Variants in SP140 observed in about 807,000 individuals in gnomAD.
The protein encoded by SP140 is SP140 nuclear body protein, also known as nuclear body protein SP140.
A neutral mutation model predicts 125.0 loss-of-function variants in SP140; 81 were observed. The observed-to-expected ratio is 0.65, with a 90% CI of 0.54 to 0.78. The LOEUF (loss-of-function observed/expected upper bound fraction) is 0.78, where lower values mean the gene tolerates loss of function less well. SP140 is among the 30% of genes least tolerant of loss of function. The pLI, the probability that SP140 is intolerant of heterozygous loss-of-function variation, is 0.00. For missense variants in SP140, 858 were observed against 1,037.0 expected (o/e 0.83, Z 2.37); for synonymous variants, 312 against 354.0 (o/e 0.88, Z 1.33).
intron 15 of SP140, among the ~76,000 whole-genome samples, chr2:230,279,629 C>T (rs2055230046): frequency 6.6e-6 from 1 of 152,154 alleles, no homozygotes; most frequent in South Asian, 2.1e-4. Context: ...TTGCATAAAA[C>T]AAATTCATCA....
chr2:230,228,328 T>C (rs1208535703), intron 1 of SP140, among the ~76,000 whole-genome samples: 1 of 152,238 alleles, frequency 6.6e-6, no homozygotes, highest in African/African-American at 2.4e-5. Flanking sequence ...TTGGCAAATA[T>C]TCTATGTGAG....
chr2:230,201,031 A>T, upstream of SP140: 1 of 1,269,264 alleles, frequency 7.9e-7, no homozygotes. Context: ...CCAGAGACCC[A>T]GGAAGGCCCT....
Position 230,312,622 on chromosome 2 carries a change from G to T in SP140, c.2542G>T (p.Ala848Ser), listed in dbSNP as rs779777294. ...TGGCCAAATGGGATTTAGACTGGAG[G>T]CTGAGTTTGAGAAGAATTTCAAGGA... ...DFGQMGFRLEAEFEKNFKEVF... is the reference protein window; with the variant it reads ...DFGQMGFRLESEFEKNFKEVF... Residue 848 changes from alanine (A) to serine (S), a missense_variant, in exon 27 of 27, where the codon GCT becomes TCT. Physicochemically the swap from Ala to Ser is moderately conservative, Grantham distance 99. Transcript: ENST00000392045. 1.3e-5 allele frequency: 21 copies of T among 1,612,886 alleles called. No individual in the cohort carries two copies. The highest frequency in any genetic ancestry group is 1.6e-5 in the Non-Finnish European group (19 of 1,179,274).
intron 1 of SP140, among the ~76,000 whole-genome samples, chr2:230,210,474 T>C (rs2044347580): frequency 6.6e-6 from 1 of 152,204 alleles, no homozygotes; most frequent in South Asian, 2.1e-4. Context: ...TACATCTTAT[T>C]GCTTTGACGT....
intron 1 of SP140, chr2:230,209,855 C>G (rs1289173387): frequency 5.7e-6 from 5 of 875,680 alleles, no homozygotes; most frequent in Admixed American, 1.7e-5. Flanking sequence ...GTGCTCTTGA[C>G]AAGATACAGT....
chr2:230,290,326 AG>A (rs1273139647), intron 18 of SP140, 133 bp from the exon 19 acceptor site: 1 of 772,806 alleles, frequency 1.3e-6, no homozygotes, highest in Non-Finnish European at 2.1e-6. Context: ...CTTGGAAGAA[AG>A]ACTTTGAAAC....
intron 3 of SP140, among the ~76,000 whole-genome samples, chr2:230,218,895 T>C (rs1421103275): frequency 4.6e-4 from 1 of 2,164 alleles, no homozygotes; most frequent in Non-Finnish European, 6.7e-4. Flanking sequence ...AAATGTGCAA[T>C]GAATAATACG....
At chr2:230,267,658 G>A (rs1421759079) in intron 12 of SP140, among the ~76,000 whole-genome samples, 1 of 152,144 alleles carries the variant, frequency 6.6e-6, no homozygotes, top group Non-Finnish European at 1.5e-5. Context: ...CAGAGGAAGT[G>A]AACATTTTGT....
chr2:230,202,440 CTT>C, upstream of SP140: 1 of 766,470 alleles, frequency 1.3e-6, no homozygotes. Flanking sequence ...CTTTGTTCCT[CTT>C]GTTATACCCC....
chr2:230,279,336 A>G (rs1245517527), intron 15 of SP140, among the ~76,000 whole-genome samples: 3 of 152,128 alleles, frequency 2.0e-5, no homozygotes, highest in African/African-American at 7.2e-5. Flanking sequence ...GTATTGAATC[A>G]TAAAAGACTC....
upstream of SP140, chr2:230,221,686 AATGTCAC>A: frequency 6.5e-7 from 1 of 1,535,610 alleles, no homozygotes; most frequent in Non-Finnish European, 8.7e-7. Flanking sequence ...ATTTTATGCA[AATGTCAC>A]ATGTCACTTA....
chr2:230,228,420 A>G (rs1290417773), intron 1 of SP140, among the ~76,000 whole-genome samples: 1 of 152,246 alleles, frequency 6.6e-6, no homozygotes, highest in Non-Finnish European at 1.5e-5. Context: ...GCTATTGCTC[A>G]TCAGGTCAAC....
chr2:230,199,434 C>G (rs2043033721), upstream of SP140, among the ~76,000 whole-genome samples: 1 of 151,762 alleles, frequency 6.6e-6, no homozygotes, highest in Non-Finnish European at 1.5e-5. Flanking sequence ...GTCTCGAACT[C>G]CTGGCCTCAA....
Position 230,269,921 on chromosome 2 carries a change from G to A in SP140, c.1412G>A (p.Arg471Lys). The A allele has an allele frequency of 6.2e-7, 1 of 1,613,996 alleles. No homozygotes were observed. Among genetic ancestry groups the A allele is most frequent in the Non-Finnish European group, 8.5e-7 (1 of 1,179,888 alleles). Residue 471 changes from arginine (R) to lysine (K), a missense_variant, in exon 14 of 27, where the codon AGG (arginine) becomes AAG (lysine). By Grantham distance (26) the Arg-to-Lys change is conservative. Coordinates refer to ENST00000392045, the MANE Select transcript of SP140 (RefSeq NM_007237.5). Reference sequence around the variant, plus strand: ...GAGGTGCCAGGAAGCCCAGAAGCAAGGACGGAAAGTGATCAAGCGTGTGGC... The same window carrying A: ...GAGGTGCCAGGAAGCCCAGAAGCAAAGACGGAAAGTGATCAAGCGTGTGGC... ...SEEVPGSPEA[R>K]TESDQACGTM...
At chr2:230,256,679 A>G (rs988882403) in intron 12 of SP140, among the ~76,000 whole-genome samples, 40 of 152,154 alleles carry the variant, frequency 2.6e-4, no homozygotes, top group Admixed American at 2.5e-3. Context: ...AATAAAAAAA[A>G]TTTCTATTCT....
intron 12 of SP140, among the ~76,000 whole-genome samples, chr2:230,261,851 T>A (rs2052313400): frequency 6.6e-6 from 1 of 152,238 alleles, no homozygotes; most frequent in African/African-American, 2.4e-5. Context: ...TGGATTCAGT[T>A]GGCAAGTATT....
At chr2:230,250,786 G>T (rs765848712) in intron 9 of SP140, among the ~76,000 whole-genome samples, 195 bp from the exon 10 acceptor site, 11 of 152,154 alleles carry the variant, frequency 7.2e-5, no homozygotes, top group Non-Finnish European at 1.2e-4. Context: ...GTGAGCTGAT[G>T]GATGGTTCTC....
At position 230,244,986 on chromosome 2, in the gene SP140, A is replaced by G. The variant is rs1257786191; in HGVS notation, c.572-2A>G. On this transcript the variant is annotated splice_acceptor_variant, in intron 5 of 26. Transcript: ENST00000392045. LOFTEE classifies it high-confidence loss of function. ...TCATCACTGTGCCTTGTTTATTTCC[A>G]GGTTTCTCTTCAGAGTCTTGTGAGC... 6.2e-7 allele frequency: 1 copy of G among 1,609,116 alleles called. No homozygotes were observed. Among genetic ancestry groups the G allele is most frequent in the Non-Finnish European group, 8.5e-7 (1 of 1,176,514 alleles).
chr2:230,232,228 G>T (rs1050561166), intron 1 of SP140, among the ~76,000 whole-genome samples: 1 of 152,162 alleles, frequency 6.6e-6, no homozygotes, highest in African/African-American at 2.4e-5. Flanking sequence ...AAAGGTTGGG[G>T]GCCTGCCCTG....
Sources: allele counts gnomAD v4.1 joint callset (sites outside exome capture counted in the v4.1 genomes callset), GRCh38; gene constraint gnomAD v4.1.1; transcripts MANE v1.5; gene names NCBI Gene and HGNC (gene_info 2026-07-23, HGNC 2026-07-21).